Variants in CNBD1 observed in about 807,000 individuals in gnomAD.
CNBD1 encodes the protein cyclic nucleotide-binding domain-containing protein 1.
Under a neutral mutation model 54.4 loss-of-function variants are expected in CNBD1, and 71 were observed. The observed-to-expected ratio is 1.30, with a 90% CI of 1.08 to 1.59. The LOEUF is 1.59. CNBD1 is among the 40% of genes most tolerant of loss of function. The pLI is 0.00. For missense variants in CNBD1, 659 were observed against 518.0 expected, an observed-to-expected ratio of 1.27 and a Z score of -2.64; for synonymous variants, 182 against 170.7, an observed-to-expected ratio of 1.07 and a Z score of -0.51.
chr8:87,080,139 A>C (rs976973141), intron 4 of CNBD1, among the ~76,000 whole-genome samples: 6 of 152,128 alleles, frequency 3.9e-5, no homozygotes, highest in African/African-American at 1.4e-4. Context: ...GGTCTACTTC[A>C]TTTATGTGTG....
intron 2 of CNBD1, among the ~76,000 whole-genome samples, chr8:87,418,503 G>A (rs564883911): frequency 6.6e-6 from 1 of 151,786 alleles, no homozygotes; most frequent in East Asian, 1.9e-4. Context: ...AGAAAGACTA[G>A]ATAAACTGGA....
At chr8:87,027,671 G>T (rs552904499) in intron 4 of CNBD1, among the ~76,000 whole-genome samples, 4 of 152,290 alleles carry the variant, frequency 2.6e-5, no homozygotes, top group Non-Finnish European at 4.4e-5. Context: ...TTAAACAGGA[G>T]GCCCAACCCT....
intron 6 of CNBD1, among the ~76,000 whole-genome samples, chr8:87,258,161 T>G (rs1196552566): frequency 6.6e-6 from 1 of 152,140 alleles, no homozygotes; most frequent in Non-Finnish European, 1.5e-5. Flanking sequence ...AAAAGACCAT[T>G]TTGAAGCTTA....
At chr8:87,141,857 C>G (rs1812376672) in intron 4 of CNBD1, among the ~76,000 whole-genome samples, 1 of 152,070 alleles carries the variant, frequency 6.6e-6, no homozygotes, top group Non-Finnish European at 1.5e-5. Flanking sequence ...TTATAGCACT[C>G]AGGGCCTATA....
intron 4 of CNBD1, among the ~76,000 whole-genome samples, chr8:87,119,217 A>G (rs563416568): frequency 3.9e-4 from 59 of 152,194 alleles, no homozygotes; most frequent in African/African-American, 1.4e-3. Context: ...ATCCATGACC[A>G]TCGGATGTTT....
At chr8:87,030,132 C>T (rs1158388911) in intron 4 of CNBD1, among the ~76,000 whole-genome samples, 1 of 152,082 alleles carries the variant, frequency 6.6e-6, no homozygotes, top group South Asian at 2.1e-4. Flanking sequence ...TTTTAAAATG[C>T]TTGATGGCAC....
At chr8:87,400,146 A>G (rs913298564) in intron 2 of CNBD1, among the ~76,000 whole-genome samples, 2 of 151,976 alleles carry the variant, frequency 1.3e-5, no homozygotes. Context: ...GAGGATTCTC[A>G]TAGATTTTGT....
At chr8:87,329,407 A>T (rs771289959) in intron 8 of CNBD1, among the ~76,000 whole-genome samples, 33 of 152,076 alleles carry the variant, frequency 2.2e-4, no homozygotes, top group Non-Finnish European at 4.4e-4. Flanking sequence ...CTCCATACAC[A>T]GTTTTGAATT....
chr8:87,014,275 GTT>G lies in CNBD1; in HGVS notation c.431+74532_431+74533del, dbSNP rs58073603. ...AGCAATGTCTTTAGAATTGTTAGCAGTTTTTTTTTTTTGCATCTGTTGATCAA... is the reference window on the plus strand; with the variant it reads ...AGCAATGTCTTTAGAATTGTTAGCAGTTTTTTTTTTGCATCTGTTGATCAA... On this transcript the variant is annotated intron_variant, in intron 4 of 10. Transcript: ENST00000518476. Among the ~76,000 whole-genome samples the G allele has an allele frequency of 9.9e-3, 1,455 of 146,674 alleles. 10 individuals are homozygous for G. Among genetic ancestry groups the G allele is most frequent in the Non-Finnish European group, 0.016 (1,035 of 66,354 alleles).
intron 6 of CNBD1, among the ~76,000 whole-genome samples, chr8:87,264,495 A>C (rs372276069): frequency 1.3e-5 from 2 of 152,118 alleles, no homozygotes; most frequent in Admixed American, 6.6e-5. Context: ...ATGATTTATA[A>C]TCCTTTGGGT....
intron 1 of CNBD1, among the ~76,000 whole-genome samples, chr8:86,867,324 C>CCT (rs1808379738): frequency 1.3e-5 from 2 of 152,122 alleles, no homozygotes; most frequent in Admixed American, 1.3e-4. Flanking sequence ...AAAGGTAATA[C>CCT]TTGTGATCCT....
At chr8:87,370,069 A>G (rs1326388956) in intron 10 of CNBD1, among the ~76,000 whole-genome samples, 1 of 151,906 alleles carries the variant, frequency 6.6e-6, no homozygotes, top group African/African-American at 2.4e-5. Context: ...ATCATTTTTT[A>G]TGGCTGCATA....
At chr8:87,078,831 GTCTATAGGTA>G (rs1221566150) in intron 4 of CNBD1, among the ~76,000 whole-genome samples, 1 of 152,106 alleles carries the variant, frequency 6.6e-6, no homozygotes, top group Non-Finnish European at 1.5e-5. Context: ...AAATAATATG[GTCTATAGGTA>G]TATATAGTGT....
chr8:87,196,740 C>A (rs192087022), intron 4 of CNBD1, among the ~76,000 whole-genome samples: 6 of 152,232 alleles, frequency 3.9e-5, no homozygotes, highest in African/African-American at 1.2e-4. Context: ...TGACTATAAG[C>A]CCCTAGGTTT....
intron 4 of CNBD1, among the ~76,000 whole-genome samples, chr8:87,025,414 T>TGCGAAGGTCTGTG (rs1290865456): frequency 6.6e-6 from 1 of 152,200 alleles, no homozygotes; most frequent in African/African-American, 2.4e-5. Flanking sequence ...TAACACTCTC[T>TGCGAAGGTCTGTG]GCGAAGGTCT....
At chr8:87,273,296 G>A (rs970072871) in intron 6 of CNBD1, among the ~76,000 whole-genome samples, 5 of 151,870 alleles carry the variant, frequency 3.3e-5, no homozygotes, top group African/African-American at 1.2e-4. Context: ...TGAAAATGCT[G>A]AATCATGATG....
chr8:87,267,582 G>A (rs1240451650), intron 6 of CNBD1, among the ~76,000 whole-genome samples: 1 of 152,112 alleles, frequency 6.6e-6, no homozygotes, highest in Non-Finnish European at 1.5e-5. Context: ...GTACAAGAAT[G>A]CTTCTATCAC....
chr8:86,952,099 T>G (rs949269737), intron 4 of CNBD1, among the ~76,000 whole-genome samples: 1 of 152,156 alleles, frequency 6.6e-6, no homozygotes, highest in East Asian at 1.9e-4. Context: ...ACCTATGACC[T>G]GGAAGCCCCC....
intron 4 of CNBD1, among the ~76,000 whole-genome samples, chr8:86,969,966 A>G (rs751107704): frequency 4.0e-5 from 6 of 151,522 alleles, no homozygotes; most frequent in Admixed American, 3.3e-4. Flanking sequence ...ATATATTAAT[A>G]TTTTCATTAT....
Sources: gnomAD v4.1 joint callset for allele counts (sites outside exome capture counted in the v4.1 genomes callset) on GRCh38, gnomAD v4.1.1 for gene constraint, MANE v1.5 for transcripts, NCBI Gene and HGNC (gene_info 2026-07-23, HGNC 2026-07-21) for gene names.